Variants in LCA5L observed in about 807,000 individuals in gnomAD.
The protein encoded by LCA5L is lebercilin LCA5 like.
A neutral mutation model predicts 45.4 loss-of-function variants in LCA5L; 35 were observed. That is an observed-to-expected ratio of 0.77 (90% CI 0.59 to 1.02). The LOEUF (loss-of-function observed/expected upper bound fraction) is 1.02, where lower values mean the gene tolerates loss of function less well. LCA5L is among the 50% of genes least tolerant of loss of function. The pLI, the probability that LCA5L is intolerant of heterozygous loss-of-function variation, is 0.00. For missense variants in LCA5L, 668 were observed against 761.6 expected (o/e 0.88, Z 1.45); for synonymous variants, 233 against 264.7 (o/e 0.88, Z 1.16).
chr21:39,440,156 T>A (rs1406066554), intron 2 of LCA5L, among the ~76,000 whole-genome samples: 1 of 152,118 alleles, frequency 6.6e-6, no homozygotes, highest in African/African-American at 2.4e-5. Context: ...CCAGAAACAA[T>A]GAGTACACTG....
At chr21:39,414,665 G>A (rs1047447448) in intron 7 of LCA5L, among the ~76,000 whole-genome samples, 1 of 151,510 alleles carries the variant, frequency 6.6e-6, no homozygotes, top group African/African-American at 2.4e-5. Context: ...CTGCGTGACT[G>A]CCAAGGCTAG....
chr21:39,411,242 G>A (rs757733052), intron 8 of LCA5L: 3 of 214,614 alleles, frequency 1.4e-5, no homozygotes, highest in South Asian at 1.4e-4. Context: ...CAGGGGACAC[G>A]AGGAAACTTC....
rs1239466353 is a variant in LCA5L, at chr21:39,423,439, A to C, written c.374T>G (p.Phe125Cys). The change falls in exon 6 of 11, where the codon TTT (phenylalanine) becomes TGT (cysteine). Residue 125 changes from phenylalanine to cysteine, a missense_variant. Physicochemically the swap from Phe to Cys is radical, Grantham distance 205. Transcript: ENST00000288350. ...EKKHTWNASL[F>C]NSQIHMIAQR... ...GGCAATCATATGGATTTGAGAATTA[A>C]AGAGTGATGCATTCCAGGTGTGCTT... 2 of 1,592,734 alleles carry C rather than the reference A, an allele frequency of 1.3e-6. No individual in the cohort carries two copies.
intron 3 of LCA5L, among the ~76,000 whole-genome samples, chr21:39,431,075 A>G (rs1443895383): frequency 3.3e-5 from 5 of 152,242 alleles, no homozygotes; most frequent in Non-Finnish European, 7.3e-5. Context: ...AGAATAAACA[A>G]GACTATAAAT....
intron 2 of LCA5L, chr21:39,439,523 G>T (rs948889780): frequency 3.3e-5 from 5 of 152,214 alleles, no homozygotes; most frequent in African/African-American, 1.2e-4. Context: ...TAAATTTCAA[G>T]AAGTCAGAGA....
At chr21:39,437,511 G>A (rs1200540539) in intron 2 of LCA5L, among the ~76,000 whole-genome samples, 2 of 152,158 alleles carry the variant, frequency 1.3e-5, no homozygotes, top group African/African-American at 4.8e-5. Flanking sequence ...CCAGACTGGA[G>A]TGCAGTAGCG....
At chr21:39,416,216 CA>C (rs1303240348) in intron 7 of LCA5L, among the ~76,000 whole-genome samples, 2 of 152,200 alleles carry the variant, frequency 1.3e-5, no homozygotes, top group African/African-American at 4.8e-5. Flanking sequence ...GTCTTCAAGA[CA>C]GCATGCTGTT....
At chr21:39,431,481 T>G (rs771213661) in intron 3 of LCA5L, among the ~76,000 whole-genome samples, 2 of 151,810 alleles carry the variant, frequency 1.3e-5, no homozygotes, top group Non-Finnish European at 2.9e-5. Flanking sequence ...TTTTTTTTTG[T>G]TGGTGGAATG....
chr21:39,441,186 G>A (rs1319967981), intron 2 of LCA5L, among the ~76,000 whole-genome samples: 2 of 152,016 alleles, frequency 1.3e-5, no homozygotes. Flanking sequence ...AAAATTAGCC[G>A]GGTGTGACAG....
At chr21:39,439,347 A>C (rs2076587992) in intron 2 of LCA5L, among the ~76,000 whole-genome samples, 1 of 152,180 alleles carries the variant, frequency 6.6e-6, no homozygotes, top group Non-Finnish European at 1.5e-5. Context: ...CTCATTTCAG[A>C]CTTCTGACCT....
chr21:39,427,011 T>C lies in LCA5L; in HGVS notation c.322+1161A>G, dbSNP rs575578023. Among the ~76,000 whole-genome samples, 23 of 152,352 alleles carry C rather than the reference T, an allele frequency of 1.5e-4. 1 individual carries two copies. The highest frequency in any genetic ancestry group is 3.6e-4 in the African/African-American group (15 of 41,586). On this transcript the variant is annotated intron_variant, in intron 5 of 10. Transcript: ENST00000288350. The stretch of plus-strand genomic sequence containing the variant: ...ACATGTGTCTTAGATAAAGAATCCC[T>C]GTGCTATAGCAGGGGAACTGAAGAT...
Position 39,405,749 on chromosome 21 carries a change from A to T in LCA5L, c.*133T>A. On this transcript the variant is annotated 3_prime_UTR_variant, in exon 11 of 11. Coordinates refer to ENST00000288350, the MANE Select transcript of LCA5L (RefSeq NM_152505.4). ...TAGATTAGCAATCAAACAAAAATTT[A>T]ATTATCGAAAGTCAATTAAGTACTA... 1 of 605,114 alleles carries T rather than the reference A, an allele frequency of 1.7e-6. No individual in the cohort carries two copies. Among genetic ancestry groups the T allele is most frequent in the Non-Finnish European group, 2.5e-6 (1 of 392,918 alleles). 37.5% of individuals were successfully genotyped at this position (605,114 alleles called of 1,614,324 possible). A position where few individuals can be genotyped will look rare whatever the true frequency, so the allele number is the denominator to read the frequency against.
At chr21:39,411,176 T>C in intron 8 of LCA5L, 1 of 273,152 alleles carries the variant, frequency 3.7e-6, no homozygotes, top group South Asian at 3.7e-5. Flanking sequence ...ACCTAGGCTA[T>C]TGTGACCAAA....
At chr21:39,439,822 G>T (rs930821736) in intron 2 of LCA5L, 8 of 152,182 alleles carry the variant, frequency 5.3e-5, no homozygotes, top group Non-Finnish European at 1.2e-4. Context: ...TGACAAAGAG[G>T]CGTCAGGTAG....
intron 2 of LCA5L, among the ~76,000 whole-genome samples, chr21:39,441,962 T>C (rs938254217): frequency 3.3e-5 from 5 of 152,176 alleles, no homozygotes; most frequent in Non-Finnish European, 7.3e-5. Context: ...ATGTGGGGTG[T>C]GGAGATACAA....
intron 7 of LCA5L, among the ~76,000 whole-genome samples, chr21:39,415,757 C>G (rs1428854797): frequency 6.6e-6 from 1 of 152,164 alleles, no homozygotes; most frequent in East Asian, 1.9e-4. Flanking sequence ...TAGATTCTCA[C>G]TCTCACCTCT....
chr21:39,411,384 A>G (rs2040061926), intron 8 of LCA5L, among the ~76,000 whole-genome samples: 1 of 152,198 alleles, frequency 6.6e-6, no homozygotes, highest in African/African-American at 2.4e-5. Flanking sequence ...ATACCCCAAT[A>G]AAGTTCATTT....
chr21:39,436,087 T>G (rs1414996317), intron 2 of LCA5L: 4 of 152,212 alleles, frequency 2.6e-5, no homozygotes, highest in Non-Finnish European at 5.9e-5. Context: ...GAAAAGATCT[T>G]GTGGCTCACC....
chr21:39,421,810 C>T (rs539952957), intron 6 of LCA5L: 12 of 151,596 alleles, frequency 7.9e-5, no homozygotes, highest in Non-Finnish European at 1.2e-4. Flanking sequence ...GTCCACAAAA[C>T]AGTTTTCCTC....
Sources: allele counts gnomAD v4.1 joint callset (sites outside exome capture counted in the v4.1 genomes callset), GRCh38; gene constraint gnomAD v4.1.1; transcripts MANE v1.5; gene names NCBI Gene and HGNC (gene_info 2026-07-23, HGNC 2026-07-21).